The following KIAA1328 variants were observed in gnomAD, a reference collection of about 807,000 sequenced individuals.
KIAA1328 encodes the protein KIAA1328.
KIAA1328 carries 52 observed loss-of-function variants against 68.1 expected under a neutral mutation model. The ratio of observed to expected loss-of-function variants is 0.76; its 90% confidence interval spans 0.61 to 0.96. The LOEUF (loss-of-function observed/expected upper bound fraction) is 0.96. Ranked by LOEUF, KIAA1328 falls within the 40% of genes least tolerant of loss-of-function variation. The pLI is 0.00. For missense variants in KIAA1328, 641 were observed against 677.6 expected (o/e 0.95, Z 0.60); for synonymous variants, 232 against 239.4 (o/e 0.97, Z 0.28).
Position 37,225,314 on chromosome 18 carries a change from T to C in KIAA1328, c.*3087T>C. The C allele has an allele frequency of 1.0e-6, 1 of 985,294 alleles. No individual in the cohort carries two copies. Among genetic ancestry groups the C allele is most frequent in the Non-Finnish European group, 1.2e-6 (1 of 829,792 alleles). 61.0% of individuals were successfully genotyped at this position (985,294 alleles called of 1,614,324 possible). ...TATGAGATTTCAAGTTAATAAATCA[T>C]CTCTATGGCTATTTTCCCCATGTGG... On this transcript the variant is annotated 3_prime_UTR_variant, in exon 10 of 10. Transcript: ENST00000280020.
At chr18:37,043,813 C>T (rs931798004) in intron 6 of KIAA1328, among the ~76,000 whole-genome samples, 1 of 152,152 alleles carries the variant, frequency 6.6e-6, no homozygotes, top group East Asian at 1.9e-4. Context: ...CTATGCCACC[C>T]AGTATATAGG....
chr18:37,207,751 TG>T (rs1213363195), intron 9 of KIAA1328, among the ~76,000 whole-genome samples: 1 of 152,216 alleles, frequency 6.6e-6, no homozygotes, highest in Non-Finnish European at 1.5e-5. Context: ...AGCACGTGAA[TG>T]GGTCAGAGGG....
intron 7 of KIAA1328, among the ~76,000 whole-genome samples, chr18:37,134,758 G>A (rs924440462): frequency 3.3e-5 from 5 of 151,952 alleles, no homozygotes; most frequent in African/African-American, 1.2e-4. Context: ...TTGTTTCCTG[G>A]GTATATCTTG....
Position 37,225,149 on chromosome 18 carries a change from TCA to T in KIAA1328, c.*2923_*2924del, listed in dbSNP as rs938158865. The T allele has an allele frequency of 1.5e-4, 143 of 981,304 alleles. No individual in the cohort carries two copies. Among genetic ancestry groups the T allele is most frequent in the Non-Finnish European group, 1.7e-4 (142 of 827,590 alleles). 60.8% of individuals were successfully genotyped at this position (981,304 alleles called of 1,614,324 possible). A position where few individuals can be genotyped will look rare whatever the true frequency, so the allele number is the denominator to read the frequency against. On this transcript the variant is annotated 3_prime_UTR_variant, in exon 10 of 10. Transcript: ENST00000280020. ...TAATAGAGATCTTCTGGCCAGAGAA[TCA>T]GGGGAGAGGAGAGGCCTGATGGGGC...
intron 9 of KIAA1328, among the ~76,000 whole-genome samples, chr18:37,184,468 A>G (rs938013553): frequency 2.6e-5 from 4 of 152,202 alleles, no homozygotes; most frequent in South Asian, 2.1e-4. Flanking sequence ...GTTCAGCCCT[A>G]TCACAGACCT....
chr18:36,970,277 A>T (rs114393165), intron 6 of KIAA1328, among the ~76,000 whole-genome samples: 1,931 of 152,328 alleles, frequency 0.013, 36 homozygotes, highest in African/African-American at 0.044. Context: ...ACAGACTCTC[A>T]ATACATTAGG....
At chr18:36,967,532 G>A (rs1030669440) in intron 6 of KIAA1328, among the ~76,000 whole-genome samples, 1 of 152,140 alleles carries the variant, frequency 6.6e-6, no homozygotes, top group Non-Finnish European at 1.5e-5. Context: ...TTGCATTTAT[G>A]GTAACTTGTT....
chr18:37,202,043 A>G (rs1457385756), intron 9 of KIAA1328, among the ~76,000 whole-genome samples: 1 of 152,196 alleles, frequency 6.6e-6, no homozygotes, highest in Admixed American at 6.5e-5. Flanking sequence ...TTCTTACTGA[A>G]CTTATGTGAA....
At chr18:37,212,526 C>G (rs971055120) in intron 9 of KIAA1328, among the ~76,000 whole-genome samples, 3 of 151,942 alleles carry the variant, frequency 2.0e-5, no homozygotes, top group Admixed American at 1.3e-4. Flanking sequence ...GAATATAAAG[C>G]TTTTTCCTTT....
chr18:37,088,630 ACTTG>A (rs906775689), intron 7 of KIAA1328, among the ~76,000 whole-genome samples: 3 of 151,770 alleles, frequency 2.0e-5, no homozygotes, highest in Non-Finnish European at 4.4e-5. Flanking sequence ...TCACTTTCTT[ACTTG>A]CTTATGGTAG....
At chr18:36,949,615 C>A (rs906720999) in intron 5 of KIAA1328, among the ~76,000 whole-genome samples, 2 of 120,784 alleles carry the variant, frequency 1.7e-5, no homozygotes, top group Admixed American at 9.7e-5. Flanking sequence ...CCCCACCCCC[C>A]GATCTTGATT....
chr18:36,941,461 G>C (rs2050709743), intron 5 of KIAA1328, among the ~76,000 whole-genome samples: 1 of 152,118 alleles, frequency 6.6e-6, no homozygotes. Context: ...CAGGCCTGGT[G>C]GTGGATGCCT....
intron 7 of KIAA1328, among the ~76,000 whole-genome samples, chr18:37,139,820 G>A (rs1305387256): frequency 1.3e-5 from 2 of 152,000 alleles, no homozygotes; most frequent in Non-Finnish European, 2.9e-5. Flanking sequence ...AGTAAATAAG[G>A]CCCCATTAAA....
At chr18:37,191,178 G>A (rs1320699981) in intron 9 of KIAA1328, among the ~76,000 whole-genome samples, 1 of 152,166 alleles carries the variant, frequency 6.6e-6, no homozygotes, top group Non-Finnish European at 1.5e-5. Flanking sequence ...CTTAGCATCA[G>A]TAAAGCCTAT....
At chr18:37,027,836 A>G (rs928694124) in intron 6 of KIAA1328, among the ~76,000 whole-genome samples, 1 of 152,148 alleles carries the variant, frequency 6.6e-6, no homozygotes, top group Non-Finnish European at 1.5e-5. Context: ...AAACACCAAA[A>G]GCAATGGCAA....
At chr18:37,021,713 A>AG (rs1431539330) in intron 6 of KIAA1328, among the ~76,000 whole-genome samples, 2 of 152,028 alleles carry the variant, frequency 1.3e-5, no homozygotes, top group East Asian at 3.9e-4. Flanking sequence ...GTCTCTGTAC[A>AG]GGGGAGCTTC....
At chr18:37,102,146 A>G (rs1033640898) in intron 7 of KIAA1328, among the ~76,000 whole-genome samples, 2 of 152,218 alleles carry the variant, frequency 1.3e-5, no homozygotes, top group African/African-American at 4.8e-5. Context: ...CATCATAAAG[A>G]TAGTGCACCA....
chr18:37,222,853 G>A lies in KIAA1328; in HGVS notation c.*626G>A, dbSNP rs1307749607. The A allele has an allele frequency of 2.0e-6, 2 of 988,416 alleles. No homozygotes were observed. The highest frequency in any genetic ancestry group is 1.1e-4 in the East Asian group (1 of 8,872). The allele number at this position is 988,416 out of a possible 1,614,324, so 61.2% of individuals were successfully genotyped here. On this transcript the variant is annotated 3_prime_UTR_variant, in exon 10 of 10. Coordinates refer to ENST00000280020, the MANE Select transcript of KIAA1328 (RefSeq NM_020776.3). ...ACCAAAGAGCTCAATGGGCTGGAGGGTGAGACCCAGCCAATCCTTGGGAGC... is the reference window on the plus strand; with the variant it reads ...ACCAAAGAGCTCAATGGGCTGGAGGATGAGACCCAGCCAATCCTTGGGAGC...
intron 6 of KIAA1328, among the ~76,000 whole-genome samples, chr18:37,021,193 A>AT (rs746701309): frequency 1.3e-5 from 2 of 152,192 alleles, no homozygotes; most frequent in East Asian, 3.9e-4. Context: ...TTCAAATTGG[A>AT]TTTTTCATTA....
Sources: allele counts gnomAD v4.1 joint callset (sites outside exome capture counted in the v4.1 genomes callset), GRCh38; gene constraint gnomAD v4.1.1; transcripts MANE v1.5; gene names NCBI Gene and HGNC (gene_info 2026-07-23, HGNC 2026-07-21).